BMP5: variants seen among roughly 807,000 people sequenced by gnomAD.
BMP5 encodes the protein bone morphogenetic protein 5.
Under a neutral mutation model 46.6 loss-of-function variants are expected in BMP5, and 23 were observed. The observed-to-expected ratio is 0.49, with a 90% CI of 0.35 to 0.70. The LOEUF (loss-of-function observed/expected upper bound fraction) is 0.70. Ranked by LOEUF, BMP5 falls within the 30% of genes least tolerant of loss-of-function variation. The pLI is 0.00. For synonymous variants in BMP5, 204 were observed against 191.9 expected, an observed-to-expected ratio of 1.06 and a Z score of -0.52; for missense variants, 545 against 565.6, an observed-to-expected ratio of 0.96 and a Z score of 0.37.
chr6:55,777,247 AC>A (rs1266906473), intron 3 of BMP5, among the ~76,000 whole-genome samples: 2 of 151,794 alleles, frequency 1.3e-5, no homozygotes, highest in Admixed American at 6.6e-5. Flanking sequence ...ACTGAGAGAA[AC>A]CCAGACTACA....
In BMP5 at chr6:55,874,500, C is replaced by T. The variant is rs371300058; in HGVS notation, c.366G>A (p.Gly122=). The T allele has an allele frequency of 6.2e-7, 1 of 1,613,366 alleles. No individual in the cohort carries two copies. Among genetic ancestry groups the T allele is most frequent in the Non-Finnish European group, 8.5e-7 (1 of 1,179,646 alleles). The change falls in exon 1 of 7, where the codon GGG becomes GGA. Residue 122 remains glycine, a synonymous_variant. Transcript: ENST00000370830. ...GAGATAACTGTATGCGACGAGGATACCCATTGGGAGAGGCTGGGTATCCCT... is the reference window on the plus strand; with the variant it reads ...GAGATAACTGTATGCGACGAGGATATCCATTGGGAGAGGCTGGGTATCCCT... ...ARKGYPASPN[G]YPRRIQLSRT...
At chr6:55,870,151 G>A (rs916927590) in intron 1 of BMP5, among the ~76,000 whole-genome samples, 5 of 149,050 alleles carry the variant, frequency 3.4e-5, no homozygotes, top group African/African-American at 1.2e-4. Context: ...CAGCTAATAC[G>A]TCTCATTAAA....
At chr6:55,782,009 A>C (rs1775330386) in intron 3 of BMP5, among the ~76,000 whole-genome samples, 2 of 152,032 alleles carry the variant, frequency 1.3e-5, no homozygotes, top group South Asian at 4.1e-4. Context: ...ATTATTCGGC[A>C]CCTAATAAAG....
rs527862576 is a variant in BMP5 at position 55,825,606 on chromosome 6, G to GT, written c.491-5760dup. 3.8e-4 allele frequency among the ~76,000 whole-genome samples: 57 copies of GT among 148,170 alleles called. 1 individual carries two copies. The highest frequency in any genetic ancestry group is 3.5e-3 in the Middle Eastern group (1 of 286). ...CAGAAGTTAATGACTGATAGAAGTT[G>GT]TTTTTTTTTTCCTCCCAAGCAGATA... is the stretch of plus-strand genomic sequence containing the variant. On this transcript the variant is annotated intron_variant, in intron 1 of 6. Coordinates refer to ENST00000370830, the MANE Select transcript of BMP5 (RefSeq NM_021073.4).
chr6:55,855,023 C>T (rs1420286662), intron 1 of BMP5, among the ~76,000 whole-genome samples: 2 of 151,794 alleles, frequency 1.3e-5, no homozygotes, highest in Non-Finnish European at 2.9e-5. Flanking sequence ...TTTCTCTCCC[C>T]CCTAAAATGA....
At chr6:55,819,543 A>T in intron 2 of BMP5, 112 bp downstream of exon 2, 1 of 880,850 alleles carries the variant, frequency 1.1e-6, no homozygotes, top group Non-Finnish European at 1.8e-6. Context: ...AAATGTTACT[A>T]CATTGCCCCC....
chr6:55,800,624 A>G lies in BMP5; in HGVS notation c.684-6197T>C, dbSNP rs115272840. ...TCTATTTTTCTAGTCAGCTGAATAA[A>G]TGGAGTATTCTCATTATAAGACAAA... On this transcript the variant is annotated intron_variant, in intron 2 of 6. Coordinates refer to ENST00000370830, the MANE Select transcript of BMP5 (RefSeq NM_021073.4). Among the ~76,000 whole-genome samples, 1,206 of 152,300 alleles carry G rather than the reference A, an allele frequency of 7.9e-3. 13 individuals are homozygous for G. Among genetic ancestry groups the G allele is most frequent in the African/African-American group, 0.027 (1,127 of 41,558 alleles).
chr6:55,843,168 A>G (rs1290952020), intron 1 of BMP5, among the ~76,000 whole-genome samples: 1 of 152,108 alleles, frequency 6.6e-6, no homozygotes, highest in Non-Finnish European at 1.5e-5. Flanking sequence ...ACACCATGCA[A>G]AACACGTTTT....
chr6:55,778,101 A>G (rs909371670), intron 3 of BMP5, among the ~76,000 whole-genome samples: 1 of 152,078 alleles, frequency 6.6e-6, no homozygotes, highest in African/African-American at 2.4e-5. Context: ...AATGTGCATC[A>G]ATAACTATAC....
chr6:55,862,617 A>T (rs1438537661), intron 1 of BMP5, among the ~76,000 whole-genome samples: 2 of 152,184 alleles, frequency 1.3e-5, no homozygotes, highest in Admixed American at 6.6e-5. Context: ...ATGCTCTTGT[A>T]TCCTTATTTC....
rs1027996982 is a variant in BMP5, at chr6:55,755,799, C to T, written c.1216-117G>A. ...TCAGGCACACCATTAAGCTGATCTC[C>T]CTTCTCCCATTTATTCCATGACTGG... On this transcript the variant is annotated intron_variant, in intron 6 of 6. Transcript: ENST00000370830. The T allele has an allele frequency of 1.7e-5, 17 of 1,004,472 alleles. No homozygotes were observed. In the African/African-American group the frequency reaches 2.8e-4, roughly 16 times the overall value. The allele number at this position is 1,004,472 out of a possible 1,614,324, so 62.2% of individuals were successfully genotyped here.
intron 3 of BMP5, among the ~76,000 whole-genome samples, chr6:55,789,301 A>G (rs1277833274): frequency 6.6e-6 from 1 of 152,002 alleles, no homozygotes; most frequent in Non-Finnish European, 1.5e-5. Flanking sequence ...TTTAAAAGAC[A>G]TTCTAATGAA....
Position 55,873,629 on chromosome 6 carries a change from T to C in BMP5, c.490+747A>G, listed in dbSNP as rs74296579. 4.3e-3 allele frequency among the ~76,000 whole-genome samples: 654 copies of C among 151,996 alleles called. 19 individuals carry two copies. In the East Asian group the frequency reaches 0.079, roughly 18 times the overall value. On this transcript the variant is annotated intron_variant, in intron 1 of 6. Coordinates refer to ENST00000370830, the MANE Select transcript of BMP5 (RefSeq NM_021073.4). The stretch of plus-strand genomic sequence containing the variant: ...ACTAAAACATAATTTTAAAATTTTC[T>C]CATTAATATTGTTGTGGTTTACAGA...
In BMP5 at chr6:55,857,842, G is replaced by A. The variant is rs557711897; in HGVS notation, c.490+16534C>T. On this transcript the variant is annotated intron_variant, in intron 1 of 6. Transcript: ENST00000370830. ...CAACCTCCACCTCCCAGGCTCAAGC[G>A]ATTCTCCTGCCTCAGCCTCCCAAGA... 5.3e-5 allele frequency among the ~76,000 whole-genome samples: 8 copies of A among 151,808 alleles called. No homozygotes were observed. The East Asian group carries it at 7.8e-4, about 15-fold the overall frequency.
At chr6:55,813,132 GT>G (rs1040994620) in intron 2 of BMP5, among the ~76,000 whole-genome samples, 16 of 152,064 alleles carry the variant, frequency 1.1e-4, no homozygotes, top group African/African-American at 3.9e-4. Flanking sequence ...AAATCCTAGT[GT>G]TTTTTGTTTT....
At chr6:55,871,967 A>G (rs1305132114) in intron 1 of BMP5, among the ~76,000 whole-genome samples, 2 of 151,958 alleles carry the variant, frequency 1.3e-5, no homozygotes, top group South Asian at 4.1e-4. Flanking sequence ...TTAGTCTTAT[A>G]AGAACATGAA....
intron 2 of BMP5, among the ~76,000 whole-genome samples, chr6:55,803,878 GTTC>G (rs1339873012): frequency 1.3e-5 from 2 of 152,132 alleles, no homozygotes; most frequent in African/African-American, 4.8e-5. Context: ...AAAAGTTCTA[GTTC>G]TTCTTTTTCT....
At chr6:55,849,010 T>C (rs1419906325) in intron 1 of BMP5, among the ~76,000 whole-genome samples, 1 of 152,074 alleles carries the variant, frequency 6.6e-6, no homozygotes, top group Non-Finnish European at 1.5e-5. Context: ...TTTAGCTCTA[T>C]TTTAGATTAT....
chr6:55,861,400 G>C (rs1029584071), intron 1 of BMP5, among the ~76,000 whole-genome samples: 6 of 152,106 alleles, frequency 3.9e-5, no homozygotes, highest in Non-Finnish European at 7.4e-5. Flanking sequence ...TTCTTTTAAG[G>C]CCTATTACTA....
Sources: gnomAD v4.1 joint callset for allele counts (sites outside exome capture counted in the v4.1 genomes callset) on GRCh38, gnomAD v4.1.1 for gene constraint, MANE v1.5 for transcripts, NCBI Gene and HGNC (gene_info 2026-07-23, HGNC 2026-07-21) for gene names.